The following C7orf78 variants were observed in gnomAD, a reference collection of about 807,000 sequenced individuals.
The protein encoded by C7orf78 is putative uncharacterized protein C7orf78.
At chr7:12,536,248 G>C in the C7orf78 span, among the ~76,000 whole-genome samples, 1 of 152,064 alleles carries the variant, frequency 6.6e-6, no homozygotes, top group Admixed American at 6.6e-5. Flanking sequence ...CTAGTCGGAG[G>C]CTCCCAAACC....
chr7:12,488,374 T>C, the C7orf78 span, among the ~76,000 whole-genome samples: 2 of 152,042 alleles, frequency 1.3e-5, no homozygotes, highest in Non-Finnish European at 2.9e-5. Flanking sequence ...GATTCAATCA[T>C]GGCAAATGCA....
the C7orf78 span, among the ~76,000 whole-genome samples, chr7:12,516,756 G>A: frequency 6.6e-6 from 1 of 152,170 alleles, no homozygotes; most frequent in African/African-American, 2.4e-5. Context: ...TTTAAAATTT[G>A]ACTGCCCAGA....
At chr7:12,487,335 C>T in the C7orf78 span, among the ~76,000 whole-genome samples, 1 of 151,916 alleles carries the variant, frequency 6.6e-6, no homozygotes, top group Admixed American at 6.6e-5. Flanking sequence ...ATAGAGACAA[C>T]CTATTAGAAT....
chr7:12,509,615 C>G, the C7orf78 span, among the ~76,000 whole-genome samples: 1 of 152,124 alleles, frequency 6.6e-6, no homozygotes, highest in Non-Finnish European at 1.5e-5. Flanking sequence ...CTCATAACCC[C>G]CTCTCACCAA....
At chr7:12,495,542 T>A in the C7orf78 span, among the ~76,000 whole-genome samples, 3 of 152,236 alleles carry the variant, frequency 2.0e-5, no homozygotes, top group Non-Finnish European at 4.4e-5. Context: ...TATTTCCAGT[T>A]TGGAAATCCC....
chr7:12,511,311 G>T, the C7orf78 span, among the ~76,000 whole-genome samples: 1 of 152,130 alleles, frequency 6.6e-6, no homozygotes, highest in Non-Finnish European at 1.5e-5. Flanking sequence ...TTGAAGATAG[G>T]TAGTGTGATG....
chr7:12,499,417 A>T, the C7orf78 span, among the ~76,000 whole-genome samples: 1 of 151,380 alleles, frequency 6.6e-6, no homozygotes, highest in Non-Finnish European at 1.5e-5. Flanking sequence ...AAAAAAAGGC[A>T]GGGGTTGCAA....
At chr7:12,514,898 T>A in the C7orf78 span, among the ~76,000 whole-genome samples, 2 of 151,632 alleles carry the variant, frequency 1.3e-5, no homozygotes, top group African/African-American at 4.9e-5. Context: ...AGATATAGTA[T>A]CCATAGGTGA....
chr7:12,502,832 C>A, the C7orf78 span, among the ~76,000 whole-genome samples: 3 of 131,154 alleles, frequency 2.3e-5, no homozygotes, highest in Admixed American at 7.1e-5. Context: ...TGGAACCAAC[C>A]CAAATGTCCA....
At chr7:12,490,292 T>G in the C7orf78 span, among the ~76,000 whole-genome samples, 1 of 152,110 alleles carries the variant, frequency 6.6e-6, no homozygotes, top group Admixed American at 6.6e-5. Flanking sequence ...TTTAACATGA[T>G]AATTATGCCC....
chr7:12,519,365 G>A, the C7orf78 span, among the ~76,000 whole-genome samples: 1 of 152,188 alleles, frequency 6.6e-6, no homozygotes, highest in African/African-American at 2.4e-5. Flanking sequence ...AAGAGCAGCT[G>A]CAGCTGCAGT....
the C7orf78 span, among the ~76,000 whole-genome samples, chr7:12,539,335 G>A: frequency 4.6e-5 from 7 of 152,154 alleles, no homozygotes; most frequent in African/African-American, 7.2e-5. Flanking sequence ...GTGGTGGCAC[G>A]CACCTGTAGT....
the C7orf78 span, among the ~76,000 whole-genome samples, chr7:12,484,608 A>G: frequency 6.6e-6 from 1 of 152,170 alleles, no homozygotes; most frequent in African/African-American, 2.4e-5. Context: ...ACATTTATAT[A>G]TTATGCTGTT....
the C7orf78 span, among the ~76,000 whole-genome samples, chr7:12,511,918 ATTTTTTTTTTTTTTT>A: frequency 1.7e-4 from 14 of 80,564 alleles, 1 homozygote; most frequent in South Asian, 9.7e-4. Flanking sequence ...CACCTGGCTA[ATTTTTTTTTTTTTTT>A]TTTTTTTTTT....
At chr7:12,532,264 A>G in the C7orf78 span, among the ~76,000 whole-genome samples, 1 of 152,028 alleles carries the variant, frequency 6.6e-6, no homozygotes, top group East Asian at 1.9e-4. Flanking sequence ...AAAAAGAAAA[A>G]CCTGGCCGGG....
chr7:12,491,334 A>G, the C7orf78 span: 2 of 152,156 alleles, frequency 1.3e-5, no homozygotes, highest in African/African-American at 4.8e-5. Context: ...ACGTCAAAAT[A>G]ATTTATGGTG....
At chr7:12,540,474 C>G in the C7orf78 span, among the ~76,000 whole-genome samples, 9 of 152,092 alleles carry the variant, frequency 5.9e-5, no homozygotes, top group Non-Finnish European at 1.3e-4. Context: ...CAATTGTCTT[C>G]AGACTATGCA....
At chr7:12,512,450 T>A in the C7orf78 span, among the ~76,000 whole-genome samples, 2,799 of 152,308 alleles carry the variant, frequency 0.018, 79 homozygotes, top group African/African-American at 0.064. Context: ...GATGATCAAA[T>A]CAATTTTGTC....
the C7orf78 span, chr7:12,491,295 T>A: frequency 1.3e-5 from 2 of 152,162 alleles, no homozygotes; most frequent in Admixed American, 6.6e-5. Context: ...TGGTACAAAG[T>A]TTTTTCTCTG....
Sources: allele counts gnomAD v4.1 joint callset (sites outside exome capture counted in the v4.1 genomes callset), GRCh38; gene constraint gnomAD v4.1.1; transcripts MANE v1.5; gene names NCBI Gene and HGNC (gene_info 2026-07-23, HGNC 2026-07-21).